The following TMEM135 variants were observed in gnomAD, a reference collection of about 807,000 sequenced individuals.
The protein encoded by TMEM135 is transmembrane protein 135.
Under a neutral mutation model 60.3 loss-of-function variants are expected in TMEM135, and 30 were observed. That is an observed-to-expected ratio of 0.50 (90% confidence interval 0.37 to 0.68). TMEM135 has a LOEUF of 0.68. Ranked by LOEUF, TMEM135 falls within the 30% of genes least tolerant of loss-of-function variation. TMEM135 has a pLI of 0.00. For synonymous variants in TMEM135, 190 were observed against 186.7 expected, an observed-to-expected ratio of 1.02 and a Z score of -0.14; for missense variants, 468 against 548.8, an observed-to-expected ratio of 0.85 and a Z score of 1.47.
chr11:87,309,498 C>T lies in TMEM135; in HGVS notation c.769-7C>T, dbSNP rs767727858. On this transcript the variant is annotated splice_polypyrimidine_tract_variant and splice_region_variant and intron_variant, in intron 9 of 14. Coordinates refer to ENST00000305494, the MANE Select transcript of TMEM135 (RefSeq NM_022918.4). ...GTAAATCAGGTTTTTCTCCAAATTT[C>T]CTCTAGGGTTTCATCAGAATGTTTA... 17 of 1,613,466 alleles carry T rather than the reference C, an allele frequency of 1.1e-5. No homozygotes were observed. The highest frequency in any genetic ancestry group is 1.4e-5 in the Non-Finnish European group (16 of 1,179,586).
chr11:87,265,923 CA>C (rs1185915923), intron 6 of TMEM135, among the ~76,000 whole-genome samples: 14 of 152,110 alleles, frequency 9.2e-5, no homozygotes, highest in Admixed American at 9.2e-4. Flanking sequence ...TCTTTACGTG[CA>C]TATAATTTGT....
At chr11:87,301,380 A>T (rs571121265) in intron 7 of TMEM135, among the ~76,000 whole-genome samples, 1 of 152,070 alleles carries the variant, frequency 6.6e-6, no homozygotes, top group African/African-American at 2.4e-5. Context: ...CAGCCTCCCA[A>T]GTAGCTGGGA....
At chr11:87,116,191 T>G (rs1047578454) in intron 4 of TMEM135, among the ~76,000 whole-genome samples, 4 of 152,186 alleles carry the variant, frequency 2.6e-5, no homozygotes, top group African/African-American at 7.2e-5. Context: ...TATATTGTCA[T>G]AGTTTAAAAT....
intron 6 of TMEM135, among the ~76,000 whole-genome samples, chr11:87,260,329 G>A (rs1030405488): frequency 6.6e-6 from 1 of 152,146 alleles, no homozygotes; most frequent in African/African-American, 2.4e-5. Flanking sequence ...CTTCCTTGCA[G>A]GGTGTCATTG....
intron 5 of TMEM135, among the ~76,000 whole-genome samples, chr11:87,195,369 CCTTCCTTCCTTCCTTCCTTCCTT>C (rs1939919694): frequency 8.1e-6 from 1 of 122,704 alleles, no homozygotes; most frequent in Admixed American, 8.4e-5. Context: ...TTCCTTCCTT[CCTTCCTTCCTTCCTTCCTTCCTT>C]CTCTCTCTCT....
chr11:87,085,534 A>T (rs1368591689), intron 3 of TMEM135, among the ~76,000 whole-genome samples: 1 of 152,158 alleles, frequency 6.6e-6, no homozygotes, highest in East Asian at 1.9e-4. Flanking sequence ...AGGAGGGCAG[A>T]TTGCTTGAGC....
At chr11:87,266,137 G>T (rs1275628704) in intron 6 of TMEM135, among the ~76,000 whole-genome samples, 2 of 152,084 alleles carry the variant, frequency 1.3e-5, no homozygotes, top group Non-Finnish European at 2.9e-5. Flanking sequence ...TTATAGTTAA[G>T]GATTTTAAAT....
chr11:87,087,488 CA>C (rs925640921), intron 3 of TMEM135, among the ~76,000 whole-genome samples: 1 of 151,978 alleles, frequency 6.6e-6, no homozygotes, highest in African/African-American at 2.4e-5. Flanking sequence ...AAAATGCAGA[CA>C]AAACTTAAAA....
rs1448800901 is a variant in TMEM135, at chr11:87,326,765, G to A, written c.*5432G>A. On this transcript the variant is annotated 3_prime_UTR_variant, in exon 15 of 15. Transcript: ENST00000305494. ...GTAAATAATATCTGCAAAGCTTCAG[G>A]AAGAAATTCAGTTGCATCTGAATCT... 2.5e-5 allele frequency: 11 copies of A among 445,864 alleles called. No individual in the cohort carries two copies. The East Asian group carries it at 7.7e-4, about 31-fold the overall frequency. The allele number at this position is 445,864 out of a possible 1,614,324, so 27.6% of individuals were successfully genotyped here.
intron 5 of TMEM135, among the ~76,000 whole-genome samples, chr11:87,207,999 A>G (rs1241823138): frequency 6.6e-6 from 1 of 152,166 alleles, no homozygotes; most frequent in African/African-American, 2.4e-5. Flanking sequence ...TCAATAAACA[A>G]AGCCATTCAA....
At chr11:87,272,636 A>T (rs1368238833) in intron 6 of TMEM135, among the ~76,000 whole-genome samples, 7 of 151,372 alleles carry the variant, frequency 4.6e-5, no homozygotes, top group Admixed American at 1.3e-4. Context: ...AACTTAAAAA[A>T]TTTTTTTGTA....
chr11:87,149,942 C>T (rs473364), intron 4 of TMEM135, among the ~76,000 whole-genome samples: 36,318 of 151,936 alleles, frequency 0.24, 5,142 homozygotes, highest in East Asian at 0.61. Flanking sequence ...TGTGGCTGGG[C>T]GCGGTGGTGC....
chr11:87,292,728 T>C (rs1233285729), intron 6 of TMEM135, among the ~76,000 whole-genome samples: 1 of 152,202 alleles, frequency 6.6e-6, no homozygotes, highest in Non-Finnish European at 1.5e-5. Flanking sequence ...TAACAAACCT[T>C]ATACACATGA....
chr11:87,195,319 TTCCTTCCTTCC>T (rs1939912287), intron 5 of TMEM135, among the ~76,000 whole-genome samples: 7 of 6,646 alleles, frequency 1.1e-3, no homozygotes, highest in African/African-American at 2.9e-3. Context: ...TTCTCTTTCC[TTCCTTCCTTCC>T]TTCCTTCCTT....
chr11:87,098,578 T>C (rs1857383002), intron 4 of TMEM135, among the ~76,000 whole-genome samples: 1 of 152,044 alleles, frequency 6.6e-6, no homozygotes, highest in Non-Finnish European at 1.5e-5. Context: ...TACTTTAAAA[T>C]GATAAACTTA....
chr11:87,193,845 A>G (rs976948248), intron 5 of TMEM135, among the ~76,000 whole-genome samples: 15 of 150,230 alleles, frequency 1.0e-4, no homozygotes, highest in Admixed American at 8.6e-4. Flanking sequence ...GAATTTTTTA[A>G]TAGGCCTATG....
chr11:87,291,514 GATTTTTTT>G (rs1942260874), intron 6 of TMEM135, among the ~76,000 whole-genome samples: 28 of 86,198 alleles, frequency 3.2e-4, no homozygotes, highest in African/African-American at 9.2e-4. Flanking sequence ...GCAGCCAAGT[GATTTTTTT>G]TTTTTTTTTT....
At chr11:87,137,508 A>G (rs1301997119) in intron 4 of TMEM135, among the ~76,000 whole-genome samples, 1 of 152,168 alleles carries the variant, frequency 6.6e-6, no homozygotes, top group Admixed American at 6.5e-5. Context: ...ATTTAGATAT[A>G]ATTCTTTATT....
At chr11:87,271,272 G>A (rs1461369791) in intron 6 of TMEM135, among the ~76,000 whole-genome samples, 2 of 152,156 alleles carry the variant, frequency 1.3e-5, no homozygotes, top group African/African-American at 2.4e-5. Context: ...AAGAGCTACA[G>A]TATGGTCACA....
Sources: allele counts gnomAD v4.1 joint callset (sites outside exome capture counted in the v4.1 genomes callset), GRCh38; gene constraint gnomAD v4.1.1; transcripts MANE v1.5; gene names NCBI Gene and HGNC (gene_info 2026-07-23, HGNC 2026-07-21).